Variants in CILK1 observed in about 807,000 individuals in gnomAD.
CILK1 encodes the protein ciliogenesis associated kinase 1.
Under a neutral mutation model 79.2 loss-of-function variants are expected in CILK1, and 47 were observed. The ratio of observed to expected loss-of-function variants is 0.59; its 90% confidence interval spans 0.47 to 0.76. The LOEUF (loss-of-function observed/expected upper bound fraction) is 0.76. CILK1 is among the 30% of genes least tolerant of loss of function. The probability of loss-of-function intolerance (pLI) is 0.00; values close to 1 mark genes in which losing one functional copy is unlikely to be tolerated. For missense variants in CILK1, 660 were observed against 769.5 expected (o/e 0.86, Z 1.68); for synonymous variants, 266 against 275.9 (o/e 0.96, Z 0.36).
chr6:53,033,817 T>C (rs1488035253), intron 3 of CILK1, among the ~76,000 whole-genome samples: 3 of 152,148 alleles, frequency 2.0e-5, no homozygotes, highest in Admixed American at 2.0e-4. Flanking sequence ...ATCAGTTACT[T>C]CAAGCAGCTG....
At chr6:53,049,553 C>A (rs1767335902) in intron 1 of CILK1, among the ~76,000 whole-genome samples, 1 of 152,194 alleles carries the variant, frequency 6.6e-6, no homozygotes, top group Non-Finnish European at 1.5e-5. Context: ...CTTGTGCAAT[C>A]CAGTCATGTG....
intron 5 of CILK1, among the ~76,000 whole-genome samples, chr6:53,023,717 A>T (rs1327241018): frequency 6.6e-6 from 1 of 152,224 alleles, no homozygotes; most frequent in African/African-American, 2.4e-5. Flanking sequence ...ACTAATTGCC[A>T]TTATCATGGA....
chr6:53,033,976 T>C (rs947101823), intron 3 of CILK1, among the ~76,000 whole-genome samples: 4 of 152,242 alleles, frequency 2.6e-5, no homozygotes, highest in Admixed American at 6.5e-5. Context: ...CCTTCTAGTA[T>C]GGACCAAAGG....
Position 53,041,200 on chromosome 6 carries a change from C to A in CILK1, c.37G>T (p.Gly13Ter). 6.2e-7 allele frequency: 1 copy of A among 1,613,992 alleles called. No homozygotes were observed. Among genetic ancestry groups the A allele is most frequent in the Non-Finnish European group, 8.5e-7 (1 of 1,179,914 alleles). ...CCCAGCAGGACGGAACCGTAGGTTC[C>A]ATCCCCGAGCTGCCTGATTGTTGTG... ...RYTTIRQLGD[G>*]TYGSVLLGRS... Residue 13 changes from glycine (G) to a stop codon, truncating the protein, a stop_gained, in exon 2 of 14, where the codon GGA becomes TGA. Transcript: ENST00000676107. LOFTEE classifies it high-confidence loss of function.
At chr6:53,023,889 T>C (rs921549178) in intron 5 of CILK1, among the ~76,000 whole-genome samples, 1 of 152,174 alleles carries the variant, frequency 6.6e-6, no homozygotes, top group Non-Finnish European at 1.5e-5. Flanking sequence ...GTGAATGTAA[T>C]TACAGAGCCT....
At chr6:53,012,307 T>G (rs1764621168) in intron 9 of CILK1, 80 bp from the exon 10 acceptor site, 1 of 1,348,350 alleles carries the variant, frequency 7.4e-7, no homozygotes, top group Non-Finnish European at 1.1e-6. Flanking sequence ...ATCTGAACTT[T>G]CTCTGCTATG....
At chr6:53,010,758 A>T (rs146876688) in intron 11 of CILK1, among the ~76,000 whole-genome samples, 1 of 152,268 alleles carries the variant, frequency 6.6e-6, no homozygotes, top group African/African-American at 2.4e-5. Context: ...GAGAGGCCTT[A>T]CCTGACCATT....
At chr6:53,029,931 C>T (rs1355323018) in intron 5 of CILK1, among the ~76,000 whole-genome samples, 1 of 152,154 alleles carries the variant, frequency 6.6e-6, no homozygotes, top group Non-Finnish European at 1.5e-5. Flanking sequence ...CCTGAGAAGA[C>T]TTCTGGCCCA....
Position 53,035,032 on chromosome 6 carries a change from T to C in CILK1, c.157-2378A>G, listed in dbSNP as rs116058494. ...CTGAGGGAGACTCATCTGTAAGACT[T>C]TGGCTGGAGAAGTGGGCAGGGCGCA... is the stretch of plus-strand genomic sequence containing the variant. On this transcript the variant is annotated intron_variant, in intron 3 of 13. Coordinates refer to ENST00000676107, the MANE Select transcript of CILK1 (RefSeq NM_014920.5). Among the ~76,000 whole-genome samples, 1,038 of 152,230 alleles carry C rather than the reference T, an allele frequency of 6.8e-3. 17 individuals carry two copies. Among genetic ancestry groups the C allele is most frequent in the African/African-American group, 0.024 (980 of 41,538 alleles).
chr6:53,056,787 G>C (rs1767909233), intron 1 of CILK1, among the ~76,000 whole-genome samples: 1 of 152,126 alleles, frequency 6.6e-6, no homozygotes, highest in African/African-American at 2.4e-5. Context: ...ACAACTTATG[G>C]AGCTTTAAAA....
intron 5 of CILK1, among the ~76,000 whole-genome samples, chr6:53,023,375 G>A (rs1166131724): frequency 6.6e-6 from 1 of 152,156 alleles, no homozygotes; most frequent in Non-Finnish European, 1.5e-5. Flanking sequence ...TCGTCTGTAG[G>A]GAACATTAAA....
chr6:53,045,763 C>T (rs1210640466), intron 1 of CILK1, among the ~76,000 whole-genome samples: 2 of 129,148 alleles, frequency 1.5e-5, no homozygotes, highest in Non-Finnish European at 3.1e-5. Flanking sequence ...AATTAAGACT[C>T]CCAAACCATC....
chr6:53,032,804 T>C, intron 3 of CILK1, 150 bp from the exon 4 acceptor site: 1 of 567,796 alleles, frequency 1.8e-6, no homozygotes, highest in Non-Finnish European at 3.0e-6. Flanking sequence ...GACAGTTTAA[T>C]AGTATACCTC....
chr6:53,010,948 C>G (rs528038240), intron 11 of CILK1, among the ~76,000 whole-genome samples: 22 of 152,300 alleles, frequency 1.4e-4, no homozygotes, highest in Non-Finnish European at 3.2e-4. Flanking sequence ...CCCAGTGGCC[C>G]TGCCTGGCTG....
At chr6:53,016,779 G>A (rs1764918340) in intron 7 of CILK1, among the ~76,000 whole-genome samples, 1 of 152,182 alleles carries the variant, frequency 6.6e-6, no homozygotes, top group African/African-American at 2.4e-5. Flanking sequence ...TCATTTCTAT[G>A]GGACACTAAA....
At chr6:53,014,413 A>C (rs1764773343) in intron 8 of CILK1, among the ~76,000 whole-genome samples, 1 of 152,246 alleles carries the variant, frequency 6.6e-6, no homozygotes, top group Non-Finnish European at 1.5e-5. Context: ...TGAGTACAAA[A>C]TAAGCAGGCA....
At position 53,045,387 on chromosome 6, in the gene CILK1, G is replaced by A. The variant is rs75501580; in HGVS notation, c.-172-3979C>T. Reference sequence around the variant, plus strand: ...CTCAACTTTTGATGGTTTGACTTACGATATTTTGACTTTGTACAATGGCGC... The same window carrying A: ...CTCAACTTTTGATGGTTTGACTTACAATATTTTGACTTTGTACAATGGCGC... On this transcript the variant is annotated intron_variant, in intron 1 of 13. Transcript: ENST00000676107. Among the ~76,000 whole-genome samples the A allele has an allele frequency of 5.9e-3, 897 of 152,142 alleles. 8 individuals carry two copies. The highest frequency in any genetic ancestry group is 0.021 in the African/African-American group (856 of 41,464).
intron 1 of CILK1, among the ~76,000 whole-genome samples, chr6:53,060,111 A>G (rs1339288236): frequency 6.6e-6 from 1 of 152,264 alleles, no homozygotes; most frequent in Non-Finnish European, 1.5e-5. Context: ...TGTACTAGGA[A>G]CCTCAAAAAG....
chr6:53,039,691 G>A (rs575582364), intron 2 of CILK1, among the ~76,000 whole-genome samples: 33 of 152,302 alleles, frequency 2.2e-4, no homozygotes, highest in Admixed American at 2.0e-3. Flanking sequence ...GACATCAGGT[G>A]GGAGCAAGGG....
Sources: gnomAD v4.1 joint callset for allele counts (sites outside exome capture counted in the v4.1 genomes callset) on GRCh38, gnomAD v4.1.1 for gene constraint, MANE v1.5 for transcripts, NCBI Gene and HGNC (gene_info 2026-07-23, HGNC 2026-07-21) for gene names.